The following ZFYVE21 variants were observed in gnomAD, a reference collection of about 807,000 sequenced individuals.
ZFYVE21 encodes zinc finger FYVE-type containing 21.
In ZFYVE21, 21 loss-of-function variants were observed where a neutral mutation model predicts 29.5. That is an observed-to-expected ratio of 0.71 (90% CI 0.50 to 1.02). ZFYVE21 has a LOEUF of 1.02. Among genes scored for constraint, ZFYVE21 ranks in the 50% least tolerant of loss-of-function variants. The pLI is 0.00. For missense variants in ZFYVE21, 326 were observed against 335.4 expected, an observed-to-expected ratio of 0.97 and a Z score of 0.22; for synonymous variants, 151 against 133.8, an observed-to-expected ratio of 1.13 and a Z score of -0.89.
chr14:103,718,039 G>GTGC (rs1414682554), intron 1 of ZFYVE21, among the ~76,000 whole-genome samples: 2 of 152,230 alleles, frequency 1.3e-5, no homozygotes, highest in Non-Finnish European at 2.9e-5. Context: ...GAGCTACACT[G>GTGC]TGCTGGCTGC....
At chr14:103,720,761 G>A (rs1053737935) in intron 1 of ZFYVE21, among the ~76,000 whole-genome samples, 1 of 152,154 alleles carries the variant, frequency 6.6e-6, no homozygotes, top group African/African-American at 2.4e-5. Context: ...TCGACCTGCA[G>A]GTCTCTAAGG....
chr14:103,726,919 G>A, intron 2 of ZFYVE21, 77 bp downstream of exon 2: 1 of 1,491,434 alleles, frequency 6.7e-7, no homozygotes, highest in African/African-American at 1.4e-5. Flanking sequence ...TGCCCCTTCT[G>A]GCAGGGGACG....
intron 3 of ZFYVE21, 102 bp from the exon 4 acceptor site, chr14:103,728,806 T>A: frequency 2.6e-6 from 3 of 1,152,950 alleles, no homozygotes; most frequent in Non-Finnish European, 3.8e-6. Context: ...CTTGCTGTTT[T>A]TACTCTGTCC....
intron 5 of ZFYVE21, chr14:103,730,068 C>T (rs12433009): frequency 1.2e-5 from 7 of 579,546 alleles, no homozygotes; most frequent in Middle Eastern, 4.6e-4. Flanking sequence ...TCTGTCTCAG[C>T]GGGAGGGTTA....
At position 103,732,616 on chromosome 14, in the gene ZFYVE21, C is replaced by G; in HGVS notation, c.527-4C>G. ...GGCCGTCTTACCTCGTCTCTCTCCT[C>G]CAGGAGGCAACGCACGGGCCACAGG... is the stretch of plus-strand genomic sequence containing the variant. On this transcript the variant is annotated splice_region_variant and splice_polypyrimidine_tract_variant and intron_variant, in intron 5 of 6. Transcript: ENST00000311141. 2 of 1,567,608 alleles carry G rather than the reference C, an allele frequency of 1.3e-6. No individual in the cohort carries two copies. The highest frequency in any genetic ancestry group is 1.7e-6 in the Non-Finnish European group (2 of 1,159,608).
At position 103,716,852 on chromosome 14, in the gene ZFYVE21, T is replaced by A. The variant is rs1017060979; in HGVS notation, c.138+873T>A. ...CCCGAGTGCATTTAATCCCACTGGC[T>A]GTGCGCTAACAGGTGTGTCCAGTTT... On this transcript the variant is annotated intron_variant, in intron 1 of 6. Transcript: ENST00000311141. The surrounding 1 kb of genome is among the most constrained non-coding windows in gnomAD (Gnocchi z 4.8). Among the ~76,000 whole-genome samples, 8 of 152,210 alleles carry A rather than the reference T, an allele frequency of 5.3e-5. No individual in the cohort carries two copies. The highest frequency in any genetic ancestry group is 1.2e-4 in the African/African-American group (5 of 41,448).
At position 103,716,015 on chromosome 14, in the gene ZFYVE21, C is replaced by T. The variant is rs1274733269; in HGVS notation, c.138+36C>T. The T allele has an allele frequency of 8.4e-7, 1 of 1,195,154 alleles. No homozygotes were observed. Among genetic ancestry groups the T allele is most frequent in the Middle Eastern group, 3.3e-4 (1 of 3,000 alleles). 74.0% of individuals were successfully genotyped at this position (1,195,154 alleles called of 1,614,324 possible). A position where few individuals can be genotyped will look rare whatever the true frequency, so the allele number is the denominator to read the frequency against. On this transcript the variant is annotated intron_variant, in intron 1 of 6. Coordinates refer to ENST00000311141, the MANE Select transcript of ZFYVE21 (RefSeq NM_024071.4). The surrounding 1 kb of genome is among the most constrained non-coding windows in gnomAD (Gnocchi z 4.8). The stretch of plus-strand genomic sequence containing the variant: ...GTCGCCCCGGCCAGCGCCTCCGACC[C>T]GCCCCGCCGCCCCGGCCCGGCCCCG...
At chr14:103,729,542 C>T (rs1024454252) in intron 5 of ZFYVE21, 21 of 587,708 alleles carry the variant, frequency 3.6e-5, no homozygotes, top group African/African-American at 3.4e-4. Context: ...AATGGTGGCT[C>T]ATCGGGAGCC....
At chr14:103,729,442 A>G (rs2083955798) in intron 5 of ZFYVE21, 1 of 574,700 alleles carries the variant, frequency 1.7e-6, no homozygotes, top group African/African-American at 1.9e-5. Flanking sequence ...CCTCTGCTCT[A>G]AATGCTCTAA....
intron 1 of ZFYVE21, among the ~76,000 whole-genome samples, chr14:103,720,124 A>G (rs917548724): frequency 3.3e-5 from 5 of 151,288 alleles, no homozygotes; most frequent in African/African-American, 1.2e-4. Context: ...TCTCTCACAC[A>G]CCCCACCGCG....
intron 1 of ZFYVE21, among the ~76,000 whole-genome samples, chr14:103,720,262 A>G (rs537542391): frequency 6.6e-6 from 1 of 152,334 alleles, no homozygotes; most frequent in East Asian, 1.9e-4. Flanking sequence ...TTAACTAATG[A>G]GGTAAATCTT....
intron 3 of ZFYVE21, 143 bp from the exon 4 acceptor site, chr14:103,728,765 G>T: frequency 2.6e-6 from 2 of 763,830 alleles, no homozygotes; most frequent in Non-Finnish European, 4.3e-6. Context: ...CTCAGCTGAA[G>T]GGGTCCTTAG....
rs1053073475 is a variant in ZFYVE21 at position 103,722,762 on chromosome 14, T to G, written c.139-4030T>G. On this transcript the variant is annotated intron_variant, in intron 1 of 6. Coordinates refer to ENST00000311141, the MANE Select transcript of ZFYVE21 (RefSeq NM_024071.4). ...TGAACCCGGGAGGCGGAGCTTGCAG[T>G]GAGCCGAGATTGTGCCACTGCACTC... Among the ~76,000 whole-genome samples the G allele has an allele frequency of 2.0e-5, 3 of 151,486 alleles. 1 individual carries two copies. Among genetic ancestry groups the G allele is most frequent in the Admixed American group, 2.0e-4 (3 of 15,198 alleles).
intron 1 of ZFYVE21, among the ~76,000 whole-genome samples, chr14:103,718,957 A>T (rs988444465): frequency 1.4e-4 from 22 of 152,166 alleles, no homozygotes; most frequent in African/African-American, 4.8e-4. Flanking sequence ...TGCAGCGGGG[A>T]GAACAGGGGA....
rs1567070674 is a variant in ZFYVE21 at position 103,726,949 on chromosome 14, T to TTTTTTTTTTG, written c.189+116_189+117insGTTTTTTTTT. The stretch of plus-strand genomic sequence containing the variant: ...GGGACGGATGTCATCTTATGGCTCG[T>TTTTTTTTTTG]TTTTTTTTTTTTTGAGACGGAGTTT... On this transcript the variant is annotated intron_variant, in intron 2 of 6. Coordinates refer to ENST00000311141, the MANE Select transcript of ZFYVE21 (RefSeq NM_024071.4). 1,791 of 685,976 alleles carry TTTTTTTTTTG rather than the reference T, an allele frequency of 2.6e-3. 83 individuals carry two copies. Among genetic ancestry groups the TTTTTTTTTTG allele is most frequent in the Admixed American group, 2.9e-3 (79 of 27,026 alleles). The allele number at this position is 685,976 out of a possible 1,614,324, so 42.5% of individuals were successfully genotyped here. A position where few individuals can be genotyped will look rare whatever the true frequency, so the allele number is the denominator to read the frequency against.
rs2084002204 is a variant in ZFYVE21 at position 103,733,107 on chromosome 14, A to G, written c.*89A>G. ...AGCCTGCTCCTTGCGTACCACAGGGATTAATCCTGCTTGTGCTGGGAAATG... is the reference window on the plus strand; with the variant it reads ...AGCCTGCTCCTTGCGTACCACAGGGGTTAATCCTGCTTGTGCTGGGAAATG... On this transcript the variant is annotated 3_prime_UTR_variant, in exon 7 of 7. Transcript: ENST00000311141. 6.4e-7 allele frequency: 1 copy of G among 1,555,850 alleles called. No homozygotes were observed. Among genetic ancestry groups the G allele is most frequent in the Non-Finnish European group, 8.8e-7 (1 of 1,130,336 alleles).
chr14:103,724,539 C>T (rs1051329289), intron 1 of ZFYVE21: 8 of 152,274 alleles, frequency 5.3e-5, no homozygotes, highest in Admixed American at 2.6e-4. Context: ...TTCCTGGTCT[C>T]GTTTGGGGGC....
Position 103,716,396 on chromosome 14 carries a change from C to T in ZFYVE21, c.138+417C>T, listed in dbSNP as rs982800270. Among the ~76,000 whole-genome samples the T allele has an allele frequency of 6.6e-6, 1 of 152,050 alleles. No homozygotes were observed. The highest frequency in any genetic ancestry group is 2.4e-5 in the African/African-American group (1 of 41,422). ...AGGCGGAGCGCCTTCCTCGCAGGCT[C>T]GGTGGGGAGGGCGCGTGCTGTCCGC... On this transcript the variant is annotated intron_variant, in intron 1 of 6. Transcript: ENST00000311141. This position sits in a 1 kb window ranked among gnomAD's most constrained non-coding sequence, Gnocchi z 4.8.
chr14:103,730,939 GT>G (rs2083967900), intron 5 of ZFYVE21: 1 of 152,392 alleles, frequency 6.6e-6, no homozygotes, highest in African/African-American at 2.4e-5. Context: ...TAGGCAGGAC[GT>G]TACACTGACA....
Sources: allele counts gnomAD v4.1 joint callset (sites outside exome capture counted in the v4.1 genomes callset), GRCh38; gene constraint gnomAD v4.1.1; non-coding constraint Gnocchi (gnomAD v3.1); transcripts MANE v1.5; gene names NCBI Gene and HGNC (gene_info 2026-07-23, HGNC 2026-07-21).